The following LINGO2 variants were observed in gnomAD, a reference collection of about 807,000 sequenced individuals.
LINGO2 encodes leucine-rich repeat and immunoglobulin-like domain-containing nogo receptor-interacting protein 2.
A neutral mutation model predicts 30.6 loss-of-function variants in LINGO2; 14 were observed. That is an observed-to-expected ratio of 0.46 (90% CI 0.30 to 0.72). The LOEUF (loss-of-function observed/expected upper bound fraction) is 0.72, where lower values mean the gene tolerates loss of function less well. LINGO2 is among the 30% of genes least tolerant of loss of function. The pLI is 0.07. For synonymous variants in LINGO2, 317 were observed against 288.5 expected, an observed-to-expected ratio of 1.10 and a Z score of -1.00; for missense variants, 729 against 751.7, an observed-to-expected ratio of 0.97 and a Z score of 0.35.
chr9:28,639,392 A>T (rs1194127150), intron 1 of LINGO2, among the ~76,000 whole-genome samples: 3 of 151,920 alleles, frequency 2.0e-5, no homozygotes, highest in Non-Finnish European at 4.4e-5. Flanking sequence ...TTTCTGTCTC[A>T]TTGATCTGTC....
chr9:28,960,597 G>A, the LINGO2 span, among the ~76,000 whole-genome samples: 1 of 35,052 alleles, frequency 2.9e-5, no homozygotes, highest in African/African-American at 6.9e-5. Context: ...GCTCATTTGT[G>A]AGTGATAAGA....
At chr9:28,411,705 T>C (rs966266251) in intron 2 of LINGO2, among the ~76,000 whole-genome samples, 12 of 152,150 alleles carry the variant, frequency 7.9e-5, no homozygotes, top group African/African-American at 2.9e-4. Flanking sequence ...TTTTATCTAT[T>C]GTAAATGATG....
chr9:28,180,519 C>A (rs1206118679), intron 4 of LINGO2, among the ~76,000 whole-genome samples: 1 of 152,264 alleles, frequency 6.6e-6, no homozygotes, highest in African/African-American at 2.4e-5. Context: ...GCTTCCTCCC[C>A]CAATTCTGTT....
At chr9:28,831,709 T>G in the LINGO2 span, among the ~76,000 whole-genome samples, 1 of 152,120 alleles carries the variant, frequency 6.6e-6, no homozygotes, top group Admixed American at 6.6e-5. Context: ...AATGGATGAC[T>G]CAATACAGAG....
the LINGO2 span, among the ~76,000 whole-genome samples, chr9:28,854,430 T>C: frequency 6.6e-5 from 10 of 151,980 alleles, no homozygotes; most frequent in Non-Finnish European, 1.0e-4. Flanking sequence ...TTGAGAAAAA[T>C]TGTGCTTGTG....
At chr9:28,624,469 T>A in intron 1 of LINGO2, among the ~76,000 whole-genome samples, 1 of 152,148 alleles carries the variant, frequency 6.6e-6, no homozygotes, top group East Asian at 1.9e-4. Flanking sequence ...ATAGTCCATA[T>A]TGATTGATTT....
At chr9:29,036,753 C>G in the LINGO2 span, among the ~76,000 whole-genome samples, 2 of 151,898 alleles carry the variant, frequency 1.3e-5, no homozygotes, top group Non-Finnish European at 2.9e-5. Flanking sequence ...CTACAGAAAG[C>G]TTCAGAGACA....
At chr9:28,982,662 A>G in the LINGO2 span, among the ~76,000 whole-genome samples, 1 of 152,108 alleles carries the variant, frequency 6.6e-6, no homozygotes, top group South Asian at 2.1e-4. Context: ...CAATAAATAT[A>G]TGAATCATTA....
At chr9:28,171,882 C>A (rs1158827914) in intron 4 of LINGO2, among the ~76,000 whole-genome samples, 1 of 150,490 alleles carries the variant, frequency 6.6e-6, no homozygotes. Context: ...TTTAGCCAGG[C>A]GTGGTGGCGG....
chr9:28,775,786 TATG>T, the LINGO2 span, among the ~76,000 whole-genome samples: 3 of 152,236 alleles, frequency 2.0e-5, no homozygotes, highest in Non-Finnish European at 4.4e-5. Flanking sequence ...TCTGAAATAT[TATG>T]ATATTTTCTA....
At chr9:28,579,765 T>C (rs529007904) in intron 1 of LINGO2, among the ~76,000 whole-genome samples, 1 of 152,192 alleles carries the variant, frequency 6.6e-6, no homozygotes, top group East Asian at 1.9e-4. Flanking sequence ...ATTATTTGGA[T>C]TCCCTAATAT....
intron 1 of LINGO2, among the ~76,000 whole-genome samples, chr9:28,613,042 C>T (rs1009773080): frequency 1.3e-5 from 2 of 152,142 alleles, no homozygotes; most frequent in African/African-American, 2.4e-5. Context: ...GTAGTTCCTC[C>T]GGTGTTCATT....
the LINGO2 span, among the ~76,000 whole-genome samples, chr9:28,941,778 A>G: frequency 6.6e-6 from 1 of 152,206 alleles, no homozygotes; most frequent in Non-Finnish European, 1.5e-5. Flanking sequence ...TGCTTTAAGT[A>G]CATGTTCCTT....
chr9:28,351,333 A>G (rs552543361), intron 3 of LINGO2, among the ~76,000 whole-genome samples: 2,761 of 145,788 alleles, frequency 0.019, 32 homozygotes, highest in Non-Finnish European at 0.026. Flanking sequence ...CACCGATCCC[A>G]CAGAAATACA....
At chr9:28,270,166 G>A (rs534272035) in intron 4 of LINGO2, among the ~76,000 whole-genome samples, 32 of 152,080 alleles carry the variant, frequency 2.1e-4, no homozygotes, top group African/African-American at 6.5e-4. Context: ...CCCTCTTTAC[G>A]GTATCTCTCA....
chr9:28,541,708 G>A (rs1242044115), intron 1 of LINGO2, among the ~76,000 whole-genome samples: 1 of 152,124 alleles, frequency 6.6e-6, no homozygotes, highest in East Asian at 1.9e-4. Context: ...AAAATTGACT[G>A]CATTTCCTTG....
At chr9:28,635,694 G>A (rs1019476019) in intron 1 of LINGO2, among the ~76,000 whole-genome samples, 3 of 151,898 alleles carry the variant, frequency 2.0e-5, no homozygotes, top group Admixed American at 1.3e-4. Flanking sequence ...AAAATATTAT[G>A]ACAAAAAATT....
rs192629121 is a variant in LINGO2 at position 28,503,630 on chromosome 9, T to C, written c.-364-27605A>G. 1.7e-3 allele frequency among the ~76,000 whole-genome samples: 264 copies of C among 152,142 alleles called. 1 individual carries two copies. Among genetic ancestry groups the C allele is most frequent in the Admixed American group, 4.7e-3 (71 of 15,262 alleles). ...TCCATAGAGTAAAACTTAAATGCCATATACATGGATTAATATTTGTTTTAT... is the reference window on the plus strand; with the variant it reads ...TCCATAGAGTAAAACTTAAATGCCACATACATGGATTAATATTTGTTTTAT... On this transcript the variant is annotated intron_variant, in intron 1 of 5. Transcript: ENST00000379992.
At chr9:28,120,796 T>C (rs1232688498) in intron 4 of LINGO2, among the ~76,000 whole-genome samples, 1 of 152,182 alleles carries the variant, frequency 6.6e-6, no homozygotes, top group Non-Finnish European at 1.5e-5. Context: ...GCCTACTGTT[T>C]CAGTTTACAA....
Sources: allele counts gnomAD v4.1 joint callset (sites outside exome capture counted in the v4.1 genomes callset), GRCh38; gene constraint gnomAD v4.1.1; transcripts MANE v1.5; gene names NCBI Gene and HGNC (gene_info 2026-07-23, HGNC 2026-07-21).